Variants in ACE observed in about 807,000 individuals in gnomAD.
The protein encoded by ACE is angiotensin I converting enzyme.
Under a neutral mutation model 162.3 loss-of-function variants are expected in ACE, and 122 were observed. The ratio of observed to expected loss-of-function variants is 0.75; its 90% confidence interval spans 0.65 to 0.87. The LOEUF is 0.87. ACE is among the 40% of genes least tolerant of loss of function. The pLI, the probability that ACE is intolerant of heterozygous loss-of-function variation, is 0.00. For missense variants in ACE, 1,799 were observed against 1,735.1 expected (o/e 1.04, Z -0.65); for synonymous variants, 796 against 720.6 (o/e 1.10, Z -1.68).
Position 63,483,836 on chromosome 17 carries a change from C to T in ACE, c.1587-13C>T. The T allele has an allele frequency of 1.2e-6, 2 of 1,614,020 alleles. No individual in the cohort carries two copies. Among genetic ancestry groups the T allele is most frequent in the Non-Finnish European group, 1.7e-6 (2 of 1,180,024 alleles). On this transcript the variant is annotated splice_polypyrimidine_tract_variant and intron_variant, in intron 10 of 24. Coordinates refer to ENST00000290866, the MANE Select transcript of ACE (RefSeq NM_000789.4). ...CCCCATGATCTTCCCTGACTCCCACCCTGTGCCTGCAGGTACTTTGTGAGT... is the reference window on the plus strand; with the variant it reads ...CCCCATGATCTTCCCTGACTCCCACTCTGTGCCTGCAGGTACTTTGTGAGT...
At chr17:63,488,459 C>A in intron 15 of ACE, 189 bp from the exon 16 acceptor site, 1 of 443,032 alleles carries the variant, frequency 2.3e-6, no homozygotes, top group Non-Finnish European at 3.9e-6. Flanking sequence ...TGGCCCCAGG[C>A]CGGGGACTCT....
rs1199320576 is a variant in ACE at position 63,497,745 on chromosome 17, T to G, written c.*379T>G. ...ATCCTCCTTCAGGAGCCGGGGAGGA[T>G]CCCCAGAGCTCTGCCCCAGCACCTC... is the stretch of plus-strand genomic sequence containing the variant. On this transcript the variant is annotated 3_prime_UTR_variant, in exon 25 of 25. Transcript: ENST00000290866. 2.4e-6 allele frequency: 1 copy of G among 415,774 alleles called. No homozygotes were observed. The highest frequency in any genetic ancestry group is 5.3e-5 in the East Asian group (1 of 18,922). 25.8% of individuals were successfully genotyped at this position (415,774 alleles called of 1,614,324 possible). A position where few individuals can be genotyped will look rare whatever the true frequency, so the allele number is the denominator to read the frequency against.
chr17:63,485,473 A>G, intron 13 of ACE, 101 bp downstream of exon 13: 1 of 1,524,180 alleles, frequency 6.6e-7, no homozygotes, highest in Non-Finnish European at 9.0e-7. Context: ...TTTTAAATTG[A>G]ATATTTAAAA....
Position 63,479,912 on chromosome 17 carries a change from G to A in ACE, c.655G>A (p.Gly219Ser), listed in dbSNP as rs750097881. 5.6e-6 allele frequency: 9 copies of A among 1,608,198 alleles called. No individual in the cohort carries two copies. The highest frequency in any genetic ancestry group is 5.0e-5 in the Admixed American group (3 of 59,752). Residue 219 changes from glycine to serine, a missense_variant and splice_region_variant, in exon 4 of 25, where the codon GGC becomes AGC. Gly to Ser is a moderately conservative substitution (Grantham distance 56). Transcript: ENST00000290866. The stretch of plus-strand genomic sequence containing the variant: ...CAGCAATGAAGCCTACAAGCAGGAC[G>A]GTGAGCAGGCCTCTCCCTGTCCAGG... ...ALSNEAYKQD[G>S]FTDTGAYWRS...
chr17:63,480,715 G>A (rs910643932), intron 5 of ACE, among the ~76,000 whole-genome samples, 187 bp downstream of exon 5: 2 of 152,248 alleles, frequency 1.3e-5, no homozygotes, highest in African/African-American at 2.4e-5. Flanking sequence ...GGGACCCTGA[G>A]GCTTAGGGTC....
intron 4 of ACE, 89 bp from the exon 5 acceptor site, chr17:63,480,248 C>G (rs531266810): frequency 1.4e-6 from 2 of 1,425,198 alleles, no homozygotes; most frequent in Non-Finnish European, 2.0e-6. Context: ...ATCCACGGGC[C>G]TCGAGCCAGT....
intron 14 of ACE, 124 bp downstream of exon 14, chr17:63,486,839 G>T (rs149571341): frequency 6.8e-7 from 1 of 1,476,384 alleles, no homozygotes; most frequent in Non-Finnish European, 9.4e-7. Context: ...TCTGCCATGC[G>T]ATGTGCACCT....
intron 13 of ACE, chr17:63,486,272 C>A: frequency 2.0e-6 from 1 of 506,952 alleles, no homozygotes; most frequent in Non-Finnish European, 3.6e-6. Context: ...GAGCTAATAC[C>A]AAGCTGGCTC....
chr17:63,488,823 T>TGG (rs1396734216), intron 16 of ACE, 32 bp downstream of exon 16: 10 of 1,614,072 alleles, frequency 6.2e-6, no homozygotes, highest in Non-Finnish European at 7.6e-6. Flanking sequence ...CACTGGCACT[T>TGG]GGGTCCCTTC....
chr17:63,496,961 C>T lies in ACE; in HGVS notation c.3667C>T (p.Gln1223Ter). The T allele has an allele frequency of 6.2e-7, 1 of 1,612,526 alleles. No homozygotes were observed. ...GCATGGGGAGAAGCTGGGCTGGCCG[C>T]AGTACAACTGGACGCCGAACTCCGG... ...ELHGEKLGWP[Q>*]YNWTPNSARS... The change falls in exon 24 of 25, where the codon CAG becomes TAG. Residue 1223 changes from glutamine (Q) to a stop codon, truncating the protein, a stop_gained. Transcript: ENST00000290866. LOFTEE classifies it high-confidence loss of function.
At position 63,497,130 on chromosome 17, in the gene ACE, C is replaced by T. The variant is rs376323309; in HGVS notation, c.3692-7C>T. 21 of 1,602,632 alleles carry T rather than the reference C, an allele frequency of 1.3e-5. No homozygotes were observed. In the African/African-American group the frequency reaches 1.9e-4, roughly 14 times the overall value. On this transcript the variant is annotated splice_region_variant and splice_polypyrimidine_tract_variant and intron_variant, in intron 24 of 24. Coordinates refer to ENST00000290866, the MANE Select transcript of ACE (RefSeq NM_000789.4). ...CTGCCCATGCTGTCTCCTTGCTTCC[C>T]GCTCAGCTCGCTCAGAAGGGCCCCT... is the stretch of plus-strand genomic sequence containing the variant.
At position 63,493,939 on chromosome 17, in the gene ACE, C is replaced by G. The variant is rs989584821; in HGVS notation, c.3154C>G (p.Leu1052Val). Reference protein sequence around the residue: ...GGSDEHDINFLMKMALDKIAF... With the variant: ...GGSDEHDINFVMKMALDKIAF... ...CCTTGCAGAGCATGACATCAACTTT[C>G]TGATGAAGATGGCCCTTGACAAGAT... The change falls in exon 21 of 25, where the codon CTG becomes GTG. Residue 1052 changes from leucine to valine, a missense_variant. Coordinates refer to ENST00000290866, the MANE Select transcript of ACE (RefSeq NM_000789.4). The G allele has an allele frequency of 1.2e-6, 2 of 1,614,190 alleles. No individual in the cohort carries two copies. Among genetic ancestry groups the G allele is most frequent in the Non-Finnish European group, 8.5e-7 (1 of 1,180,036 alleles).
rs146046369 is a variant in ACE, at chr17:63,493,520, C to T, written c.2997C>T (p.Tyr999=). 10 of 1,613,962 alleles carry T rather than the reference C, an allele frequency of 6.2e-6. No homozygotes were observed. The highest frequency in any genetic ancestry group is 2.2e-5 in the South Asian group (2 of 91,078). The stretch of plus-strand genomic sequence containing the variant: ...GCCACATCCAGTATTTCATGCAGTA[C>T]AAAGACTTACCTGTGGCCTTGAGGG... ...EMGHIQYFMQ[Y]KDLPVALREG... is the part of the protein sequence containing the mutation. Residue 999 remains tyrosine, a synonymous_variant, in exon 20 of 25, where the codon TAC becomes TAT. Transcript: ENST00000290866.
rs1489092015 is a variant in ACE, at chr17:63,493,596, T to G, written c.3073T>G (p.Ser1025Ala). 1 of 1,614,012 alleles carries G rather than the reference T, an allele frequency of 6.2e-7. No individual in the cohort carries two copies. The highest frequency in any genetic ancestry group is 8.5e-7 in the Non-Finnish European group (1 of 1,180,010). The change falls in exon 20 of 25, where the codon TCA becomes GCA. Residue 1025 changes from serine (S) to alanine (A), a missense_variant. Transcript: ENST00000290866. The stretch of plus-strand genomic sequence containing the variant: ...GGCCATTGGGGACGTGCTAGCCCTC[T>G]CAGTGTCTACGCCCAAGCACCTGCA... ...HEAIGDVLAL[S>A]VSTPKHLHSL...
In ACE at chr17:63,491,215, A is replaced by G. The variant is rs755053417; in HGVS notation, c.2746A>G (p.Thr916Ala). Residue 916 changes from threonine (T) to alanine (A), a missense_variant, in exon 19 of 25, where the codon ACG becomes GCG. Physicochemically the swap from Thr to Ala is moderately conservative, Grantham distance 58. Transcript: ENST00000290866. This position sits in a 1 kb window ranked among gnomAD's most constrained non-coding sequence, Gnocchi z 4.4. ...GAACTCCCTCTGCTTGCAGGGCTGGACGCCCAGGAGGATGTTTAAGGAGGC... is the reference window on the plus strand; with the variant it reads ...GAACTCCCTCTGCTTGCAGGGCTGGGCGCCCAGGAGGATGTTTAAGGAGGC... ...TTEAMLKQGW[T>A]PRRMFKEADD... 3 of 1,613,992 alleles carry G rather than the reference A, an allele frequency of 1.9e-6. No homozygotes were observed. The South Asian group carries it at 3.3e-5, about 18-fold the overall frequency.
Position 63,493,601 on chromosome 17 carries a change from G to T in ACE, c.3078G>T (p.Val1026=). ...TTGGGGACGTGCTAGCCCTCTCAGT[G>T]TCTACGCCCAAGCACCTGCACAGTC... ...EAIGDVLALS[V]STPKHLHSLN... The change falls in exon 20 of 25, where the codon GTG becomes GTT. Residue 1026 remains valine (V), a synonymous_variant. Transcript: ENST00000290866. The T allele has an allele frequency of 2.5e-6, 4 of 1,614,178 alleles. No individual in the cohort carries two copies. The highest frequency in any genetic ancestry group is 2.5e-6 in the Non-Finnish European group (3 of 1,180,020).
At position 63,483,912 on chromosome 17, in the gene ACE, T is replaced by C; in HGVS notation, c.1650T>C (p.Tyr550=). 6.2e-7 allele frequency: 1 copy of C among 1,614,146 alleles called. No homozygotes were observed. The highest frequency in any genetic ancestry group is 1.3e-5 in the African/African-American group (1 of 75,048). Residue 550 remains tyrosine (Y), a synonymous_variant, in exon 11 of 25, where the codon TAT becomes TAC. Coordinates refer to ENST00000290866, the MANE Select transcript of ACE (RefSeq NM_000789.4). ...AAGCCCTGTGCAAGGAGGCAGGCTA[T>C]GAGGGCCCACTGCACCAGTGTGACA... ...FHEALCKEAG[Y]EGPLHQCDIY...
chr17:63,493,471 T>C lies in ACE; in HGVS notation c.2948T>C (p.Leu983Pro), dbSNP rs931669958. 1.2e-6 allele frequency: 2 copies of C among 1,614,058 alleles called. No homozygotes were observed. Among genetic ancestry groups the C allele is most frequent in the South Asian group, 1.1e-5 (1 of 91,076 alleles). ...KQCTTVNLED[L>P]VVAHHEMGHI... The stretch of plus-strand genomic sequence containing the variant: ...TGCACCACCGTGAACTTGGAGGACC[T>C]GGTGGTGGCCCACCACGAAATGGGC... The change falls in exon 20 of 25, where the codon CTG becomes CCG. Residue 983 changes from leucine (L) to proline (P), a missense_variant. By Grantham distance (98) the Leu-to-Pro change is moderately conservative (BLOSUM62 -3). Coordinates refer to ENST00000290866, the MANE Select transcript of ACE (RefSeq NM_000789.4).
chr17:63,479,946 C>A (rs1261987106), intron 4 of ACE, 34 bp downstream of exon 4: 2 of 1,587,654 alleles, frequency 1.3e-6, no homozygotes, highest in African/African-American at 2.7e-5. Flanking sequence ...GGAACCACGC[C>A]AGGTGTCCTC....
Sources: allele counts gnomAD v4.1 joint callset (sites outside exome capture counted in the v4.1 genomes callset), GRCh38; gene constraint gnomAD v4.1.1; non-coding constraint Gnocchi (gnomAD v3.1); transcripts MANE v1.5; gene names NCBI Gene and HGNC (gene_info 2026-07-23, HGNC 2026-07-21).